Variants in SLC24A2 observed in about 807,000 individuals in gnomAD.
The protein encoded by SLC24A2 is sodium/potassium/calcium exchanger 2.
In SLC24A2, 36 loss-of-function variants were observed where a neutral mutation model predicts 62.0. That is an observed-to-expected ratio of 0.58 (90% CI 0.44 to 0.77). SLC24A2 has a LOEUF of 0.77. Ranked by LOEUF, SLC24A2 falls within the 30% of genes least tolerant of loss-of-function variation. The pLI is 0.00. For missense variants in SLC24A2, 846 were observed against 817.9 expected (o/e 1.03, Z -0.42); for synonymous variants, 358 against 294.0 (o/e 1.22, Z -2.23).
the SLC24A2 span, among the ~76,000 whole-genome samples, chr9:20,298,351 C>T: frequency 6.6e-6 from 1 of 152,200 alleles, no homozygotes; most frequent in Non-Finnish European, 1.5e-5. Context: ...GCCTTGGCCT[C>T]CCAAGTAGCC....
rs1554697846 is a variant in SLC24A2, at chr9:19,680,851, T to TTGTGTGAGTGTG, written c.931-58553_931-58552insCACACTCACACA. Reference sequence around the variant, plus strand: ...TTTAAACTCAAAATATATACCAGAGTTGTGTGTGTGTGTGTGTGTGTGTGT... The same window carrying TTGTGTGAGTGTG: ...TTTAAACTCAAAATATATACCAGAGTTGTGTGAGTGTGTGTGTGTGTGTGTGTGTGTGTGTGT... On this transcript the variant is annotated intron_variant, in intron 2 of 10. Transcript: ENST00000341998. 9.4e-3 allele frequency among the ~76,000 whole-genome samples: 1,384 copies of TTGTGTGAGTGTG among 147,078 alleles called. 20 individuals are homozygous for TTGTGTGAGTGTG. Among genetic ancestry groups the TTGTGTGAGTGTG allele is most frequent in the African/African-American group, 0.027 (1,083 of 39,808 alleles).
At chr9:19,895,838 CAGGGGTCAGGCCAGCAAAGAAG>C in the SLC24A2 span, 2 of 1,607,452 alleles carry the variant, frequency 1.2e-6, no homozygotes, top group African/African-American at 2.7e-5. Context: ...GACCGCTCCT[CAGGGGTCAGGCCAGCAAAGAAG>C]GGGTGCAGCA....
chr9:20,245,019 G>A, the SLC24A2 span, among the ~76,000 whole-genome samples: 8 of 152,266 alleles, frequency 5.3e-5, no homozygotes, highest in South Asian at 4.1e-4. Context: ...CCTAAGTCAC[G>A]TATTCCTGTG....
the SLC24A2 span, among the ~76,000 whole-genome samples, chr9:20,120,067 T>C: frequency 6.6e-6 from 1 of 152,178 alleles, no homozygotes; most frequent in African/African-American, 2.4e-5. Context: ...TTTTCCTTCA[T>C]TTGTTACCCT....
At chr9:20,097,504 A>G in the SLC24A2 span, among the ~76,000 whole-genome samples, 1 of 152,098 alleles carries the variant, frequency 6.6e-6, no homozygotes, top group Non-Finnish European at 1.5e-5. Context: ...ACTAATAGTC[A>G]CTTTGAGATC....
the SLC24A2 span, among the ~76,000 whole-genome samples, chr9:19,796,476 C>T: frequency 6.6e-6 from 1 of 152,136 alleles, no homozygotes; most frequent in East Asian, 1.9e-4. Context: ...TGTTAAAAAC[C>T]CTGTGTCCTG....
At chr9:19,699,277 G>A (rs1481182440) in intron 2 of SLC24A2, among the ~76,000 whole-genome samples, 1 of 152,180 alleles carries the variant, frequency 6.6e-6, no homozygotes, top group African/African-American at 2.4e-5. Context: ...GCTGTAATCT[G>A]TAAAATGCAA....
intron 2 of SLC24A2, among the ~76,000 whole-genome samples, chr9:19,665,110 G>C (rs971630098): frequency 2.6e-5 from 4 of 152,188 alleles, no homozygotes; most frequent in Admixed American, 6.5e-5. Flanking sequence ...TTACCAGTAA[G>C]ATCCGCCTGC....
intron 2 of SLC24A2, among the ~76,000 whole-genome samples, chr9:19,667,420 T>C (rs1819286077): frequency 6.6e-6 from 1 of 152,228 alleles, no homozygotes; most frequent in African/African-American, 2.4e-5. Flanking sequence ...TCATTCTTAT[T>C]GCCCAGGTCT....
At chr9:20,026,458 C>T in the SLC24A2 span, among the ~76,000 whole-genome samples, 1 of 152,144 alleles carries the variant, frequency 6.6e-6, no homozygotes, top group African/African-American at 2.4e-5. Context: ...ATCCCTAGGA[C>T]CATTTGCAGA....
chr9:20,231,006 C>T, the SLC24A2 span, among the ~76,000 whole-genome samples: 1,567 of 152,202 alleles, frequency 0.01, 37 homozygotes, highest in African/African-American at 0.036. Flanking sequence ...TTCCCCATTG[C>T]TTGTTTTTGT....
At chr9:19,990,383 G>T in the SLC24A2 span, among the ~76,000 whole-genome samples, 1 of 152,108 alleles carries the variant, frequency 6.6e-6, no homozygotes, top group African/African-American at 2.4e-5. Context: ...AGGCCAAGGT[G>T]GGTGGATCAC....
At chr9:19,938,306 C>G in the SLC24A2 span, among the ~76,000 whole-genome samples, 1 of 152,036 alleles carries the variant, frequency 6.6e-6, no homozygotes, top group Non-Finnish European at 1.5e-5. Flanking sequence ...TTGATAGGTT[C>G]TTTAATATAC....
At chr9:19,884,512 A>G in the SLC24A2 span, among the ~76,000 whole-genome samples, 1 of 152,220 alleles carries the variant, frequency 6.6e-6, no homozygotes, top group African/African-American at 2.4e-5. Flanking sequence ...TGAAATCTGT[A>G]TTAGCCAGAC....
chr9:20,287,625 G>T, the SLC24A2 span, among the ~76,000 whole-genome samples: 30,965 of 152,206 alleles, frequency 0.2, 3,874 homozygotes, highest in Middle Eastern at 0.31. Context: ...GGGATATGTT[G>T]ATGAGAAAAT....
At chr9:20,105,051 T>G in the SLC24A2 span, among the ~76,000 whole-genome samples, 142 of 152,210 alleles carry the variant, frequency 9.3e-4, no homozygotes, top group Admixed American at 5.5e-3. Flanking sequence ...TGCAATCCTA[T>G]TCTCTGATAA....
the SLC24A2 span, among the ~76,000 whole-genome samples, chr9:20,145,601 ATGTG>A: frequency 8.5e-4 from 124 of 145,924 alleles, no homozygotes; most frequent in East Asian, 6.3e-3. Flanking sequence ...CATCACATGT[ATGTG>A]TGTGTGTGTG....
At chr9:19,961,140 GGA>G in the SLC24A2 span, among the ~76,000 whole-genome samples, 93,627 of 138,304 alleles carry the variant, frequency 0.68, 32,949 homozygotes, top group Non-Finnish European at 0.8. Context: ...AGAAGAAAGG[GGA>G]GAGAGAGAGA....
At chr9:20,140,477 A>G in the SLC24A2 span, among the ~76,000 whole-genome samples, 1 of 152,190 alleles carries the variant, frequency 6.6e-6, no homozygotes, top group Non-Finnish European at 1.5e-5. Context: ...TCCCTTGTGA[A>G]GACTCAGGCA....
Sources: gnomAD v4.1 joint callset for allele counts (sites outside exome capture counted in the v4.1 genomes callset) on GRCh38, gnomAD v4.1.1 for gene constraint, MANE v1.5 for transcripts, NCBI Gene and HGNC (gene_info 2026-07-23, HGNC 2026-07-21) for gene names.